ME2: variants seen among roughly 807,000 people sequenced by gnomAD.
ME2 encodes malic enzyme 2, also known as NAD-dependent malic enzyme, mitochondrial.
A neutral mutation model predicts 73.7 loss-of-function variants in ME2; 60 were observed. That is an observed-to-expected ratio of 0.81 (90% CI 0.66 to 1.01). ME2 has a LOEUF of 1.01. Among genes scored for constraint, ME2 ranks in the 50% least tolerant of loss-of-function variants. The pLI, the probability that ME2 is intolerant of heterozygous loss-of-function variation, is 0.00. For missense variants in ME2, 594 were observed against 705.5 expected, an observed-to-expected ratio of 0.84 and a Z score of 1.79; for synonymous variants, 199 against 236.9, an observed-to-expected ratio of 0.84 and a Z score of 1.47.
In ME2 at chr18:50,940,473, C is replaced by T. The variant is rs117978604; in HGVS notation, c.1587+87C>T. ...CAGGTTTATTAAGATAAATCTGAAA[C>T]ATTTAGAAGGCTGCAAAGAAGAAAT... On this transcript the variant is annotated intron_variant, in intron 15 of 15. Coordinates refer to ENST00000321341, the MANE Select transcript of ME2 (RefSeq NM_002396.5). The T allele has an allele frequency of 8.1e-3, 7,426 of 912,586 alleles. 41 individuals are homozygous for T. The highest frequency in any genetic ancestry group is 0.01 in the Non-Finnish European group (6,097 of 594,324). The allele number at this position is 912,586 out of a possible 1,614,324, so 56.5% of individuals were successfully genotyped here.
intron 1 of ME2, among the ~76,000 whole-genome samples, chr18:50,885,344 A>T (rs1916434774): frequency 6.6e-6 from 1 of 151,996 alleles, no homozygotes; most frequent in East Asian, 1.9e-4. Context: ...AACATAGCAA[A>T]CGCCAGCTGT....
chr18:50,891,037 A>G (rs1916595650), intron 1 of ME2, among the ~76,000 whole-genome samples: 2 of 152,176 alleles, frequency 1.3e-5, no homozygotes, highest in Admixed American at 6.5e-5. Flanking sequence ...TAAAGGCTCA[A>G]AACCAAAAAC....
intron 3 of ME2, 112 bp from the exon 4 acceptor site, chr18:50,912,689 G>A: frequency 2.2e-6 from 2 of 902,336 alleles, no homozygotes; most frequent in Admixed American, 3.0e-5. Flanking sequence ...AGAATGTGAT[G>A]TGAGAATGGG....
intron 15 of ME2, among the ~76,000 whole-genome samples, chr18:50,940,618 T>C (rs945321930): frequency 6.6e-6 from 1 of 152,162 alleles, no homozygotes; most frequent in African/African-American, 2.4e-5. Context: ...TAGTCACTTG[T>C]GCCTTTTTGA....
intron 7 of ME2, among the ~76,000 whole-genome samples, chr18:50,920,033 T>A (rs1917382399): frequency 6.6e-6 from 1 of 152,158 alleles, no homozygotes; most frequent in Non-Finnish European, 1.5e-5. Context: ...ACGATTAACA[T>A]CTTCTTTTTC....
At chr18:50,919,071 G>T (rs1917359737) in intron 7 of ME2, among the ~76,000 whole-genome samples, 1 of 78,906 alleles carries the variant, frequency 1.3e-5, no homozygotes, top group Non-Finnish European at 2.5e-5. Context: ...TCAGATTTCA[G>T]ATATTCCTCA....
At chr18:50,917,599 G>T in intron 6 of ME2, 91 bp downstream of exon 6, 2 of 948,084 alleles carry the variant, frequency 2.1e-6, no homozygotes, top group Non-Finnish European at 1.5e-6. Flanking sequence ...ATTTAAGAAG[G>T]GAAAGTTTTA....
chr18:50,905,059 T>G (rs1229574251), intron 2 of ME2, among the ~76,000 whole-genome samples: 1 of 152,050 alleles, frequency 6.6e-6, no homozygotes, highest in Non-Finnish European at 1.5e-5. Context: ...CGATCTTGGC[T>G]CACTGCAGCC....
chr18:50,932,395 A>C, intron 13 of ME2, 35 bp downstream of exon 13: 1 of 1,495,006 alleles, frequency 6.7e-7, no homozygotes. Flanking sequence ...ATAGAGCAAT[A>C]GTTAATTATG....
At chr18:50,924,340 G>A in intron 11 of ME2, 128 bp downstream of exon 11, 1 of 622,834 alleles carries the variant, frequency 1.6e-6, no homozygotes, top group Non-Finnish European at 2.8e-6. Context: ...AATGTTTTCT[G>A]TGATAACTTT....
chr18:50,882,288 C>G (rs899369056), intron 1 of ME2, among the ~76,000 whole-genome samples: 1 of 152,132 alleles, frequency 6.6e-6, no homozygotes, highest in Non-Finnish European at 1.5e-5. Context: ...GTGTTCGCCA[C>G]GGGATTTAAA....
Position 50,943,944 on chromosome 18 carries a change from A to T in ME2, c.1588-3073A>T, listed in dbSNP as rs573194987. 2.0e-4 allele frequency among the ~76,000 whole-genome samples: 30 copies of T among 152,260 alleles called. 1 individual carries two copies. In the South Asian group the frequency reaches 6.2e-3, roughly 32 times the overall value. On this transcript the variant is annotated intron_variant, in intron 15 of 15. Coordinates refer to ENST00000321341, the MANE Select transcript of ME2 (RefSeq NM_002396.5). ...GTTAAGAGATTACTGGGCCAGGCAG[A>T]GTGGCTCACTCCTGTAATCACAGCA...
intron 12 of ME2, among the ~76,000 whole-genome samples, chr18:50,929,628 T>C (rs1013675995): frequency 6.6e-6 from 1 of 152,212 alleles, no homozygotes; most frequent in African/African-American, 2.4e-5. Flanking sequence ...ATAATAATTA[T>C]TGAAATCTCT....
At chr18:50,916,499 C>T (rs1183240621) in intron 5 of ME2, 3 of 304,696 alleles carry the variant, frequency 9.8e-6, no homozygotes, top group Non-Finnish European at 1.8e-5. Context: ...CCACTGGTGT[C>T]TCCTGCCTTC....
chr18:50,941,918 AT>A (rs1255502896), intron 15 of ME2, among the ~76,000 whole-genome samples: 2 of 151,758 alleles, frequency 1.3e-5, no homozygotes, highest in African/African-American at 4.8e-5. Flanking sequence ...TATTAGTGAG[AT>A]TGAAGAATTA....
At chr18:50,911,796 A>G (rs1426029067) in intron 3 of ME2, among the ~76,000 whole-genome samples, 2 of 152,196 alleles carry the variant, frequency 1.3e-5, no homozygotes, top group African/African-American at 4.8e-5. Flanking sequence ...CTATTTTAGG[A>G]GCTTGAGCCT....
chr18:50,948,612 C>T lies in ME2; in HGVS notation c.*1428C>T, dbSNP rs1260085709. 2 of 140,382 alleles carry T rather than the reference C, an allele frequency of 1.4e-5. No individual in the cohort carries two copies. Among genetic ancestry groups the T allele is most frequent in the African/African-American group, 2.7e-5 (1 of 37,476 alleles). The allele number at this position is 140,382 out of a possible 1,614,324, so 8.7% of individuals were successfully genotyped here. On this transcript the variant is annotated 3_prime_UTR_variant, in exon 16 of 16. Transcript: ENST00000321341. ...AGGCTGGAGTGCAGTGGTGTGATCT[C>T]AGCTCACTGCAACCTCTGCCTCCCA...
intron 1 of ME2, among the ~76,000 whole-genome samples, chr18:50,886,485 C>G (rs1916474558): frequency 6.6e-6 from 1 of 152,010 alleles, no homozygotes; most frequent in Non-Finnish European, 1.5e-5. Flanking sequence ...CTCAAGTGAT[C>G]CGCTCACCTC....
intron 7 of ME2, among the ~76,000 whole-genome samples, chr18:50,919,413 A>G (rs79502718): frequency 0.035 from 5,291 of 152,202 alleles, 123 homozygotes; most frequent in Admixed American, 0.048. Flanking sequence ...AACAAGTCTA[A>G]AGCTGAACTT....
Sources: allele counts gnomAD v4.1 joint callset (sites outside exome capture counted in the v4.1 genomes callset), GRCh38; gene constraint gnomAD v4.1.1; transcripts MANE v1.5; gene names NCBI Gene and HGNC (gene_info 2026-07-23, HGNC 2026-07-21).